Variants in PLCB1 observed in about 807,000 individuals in gnomAD.
PLCB1 encodes the protein phospholipase C beta 1.
In PLCB1, 46 loss-of-function variants were observed where a neutral mutation model predicts 161.8. The observed-to-expected ratio is 0.28, with a 90% CI of 0.22 to 0.36. The LOEUF (loss-of-function observed/expected upper bound fraction) is 0.36. PLCB1 is among the 10% of genes least tolerant of loss of function. The pLI, the probability that PLCB1 is intolerant of heterozygous loss-of-function variation, is 1.00. For synonymous variants in PLCB1, 517 were observed against 503.7 expected (o/e 1.03, Z -0.35); for missense variants, 1,016 against 1,472.5 (o/e 0.69, Z 5.07).
Position 8,760,455 on chromosome 20 carries a change from T to C in PLCB1, c.2705T>C (p.Leu902Ser), listed in dbSNP as rs769415808. ...AKTEDLIQSV[L>S]TEVEAQTIEE... ...ACAGAAGATCTTATTCAGAGTGTCT[T>C]AACAGGTAAATGCCACCCTTTCCCC... is the stretch of plus-strand genomic sequence containing the variant. The change falls in exon 25 of 32, where the codon TTA (leucine) becomes TCA (serine). Residue 902 changes from leucine (L) to serine (S), a missense_variant. Physicochemically the swap from Leu to Ser is moderately radical, Grantham distance 145. Around this residue, in one of 10 missense-constraint regions of PLCB1, gnomAD observed 398 missense variants for 445.4 expected, o/e 0.89. Transcript: ENST00000338037. 6.8e-6 allele frequency: 11 copies of C among 1,609,232 alleles called. 1 individual carries two copies. Among genetic ancestry groups the C allele is most frequent in the Non-Finnish European group, 1.7e-6 (2 of 1,175,876 alleles).
In PLCB1 at chr20:8,882,117, A is replaced by C; in HGVS notation, c.*268A>C. On this transcript the variant is annotated 3_prime_UTR_variant, in exon 32 of 32. Coordinates refer to ENST00000338037, the MANE Select transcript of PLCB1 (RefSeq NM_015192.4). ...TTCCAATAGCAAATTCAAAGCAAGC[A>C]ACTTGCAGGCTCCATGGAACTTTTA... is the stretch of plus-strand genomic sequence containing the variant. 1 of 379,324 alleles carries C rather than the reference A, an allele frequency of 2.6e-6. No homozygotes were observed. The highest frequency in any genetic ancestry group is 4.8e-6 in the Non-Finnish European group (1 of 210,010). 23.5% of individuals were successfully genotyped at this position (379,324 alleles called of 1,614,324 possible). A position where few individuals can be genotyped will look rare whatever the true frequency, so the allele number is the denominator to read the frequency against.
At chr20:8,272,845 A>G (rs975356350) in intron 2 of PLCB1, among the ~76,000 whole-genome samples, 1 of 152,182 alleles carries the variant, frequency 6.6e-6, no homozygotes, top group Non-Finnish European at 1.5e-5. Context: ...CCAACATTTC[A>G]TGCAATCAGT....
At chr20:8,717,195 C>T (rs1016986723) in intron 13 of PLCB1, among the ~76,000 whole-genome samples, 8 of 152,160 alleles carry the variant, frequency 5.3e-5, no homozygotes, top group African/African-American at 1.9e-4. Context: ...GCTAAACTAC[C>T]TAGTACCAGG....
At position 8,658,602 on chromosome 20, in the gene PLCB1, C is replaced by T. The variant is rs773850585; in HGVS notation, c.760C>T (p.Arg254Ter). Reference sequence around the variant, plus strand: ...GATGGATTTTATCAACCTTAAGCAGCGAGATCCTCGGCTTAATGAAATACT... The same window carrying T: ...GATGGATTTTATCAACCTTAAGCAGTGAGATCCTCGGCTTAATGAAATACT... ...QMMDFINLKQ[R>*]DPRLNEILYP... Residue 254 changes from arginine (R) to a stop codon, truncating the protein, a stop_gained, in exon 9 of 32, where the codon CGA becomes TGA. Transcript: ENST00000338037. LOFTEE classifies it high-confidence loss of function. The T allele has an allele frequency of 1.9e-6, 3 of 1,612,320 alleles. No homozygotes were observed. The South Asian group carries it at 3.3e-5, about 18-fold the overall frequency.
intron 13 of PLCB1, 71 bp from the exon 14 acceptor site, chr20:8,717,600 C>A (rs1285816893): frequency 1.1e-5 from 13 of 1,190,892 alleles, no homozygotes; most frequent in Non-Finnish European, 1.6e-5. Context: ...CACAGCTGAT[C>A]TGGGGGTCTG....
chr20:8,304,854 A>G (rs965489007), intron 2 of PLCB1, among the ~76,000 whole-genome samples: 1 of 152,150 alleles, frequency 6.6e-6, no homozygotes, highest in African/African-American at 2.4e-5. Flanking sequence ...CTTGCTCACC[A>G]GGATCTGAAT....
At position 8,456,058 on chromosome 20, in the gene PLCB1, A is replaced by AT. The variant is rs1490033006; in HGVS notation, c.246+84608_246+84609insT. ...CTTGCTTGGATGCTTGATACAGAGA[A>AT]AATCAAAGATTTGGTTTCAAATTAG... On this transcript the variant is annotated intron_variant, in intron 3 of 31. Transcript: ENST00000338037. Among the ~76,000 whole-genome samples, 15 of 152,338 alleles carry AT rather than the reference A, an allele frequency of 9.8e-5. No homozygotes were observed. In the East Asian group the frequency reaches 2.7e-3, roughly 27 times the overall value.
At position 8,500,272 on chromosome 20, in the gene PLCB1, T is replaced by A. The variant is rs570304504; in HGVS notation, c.247-128022T>A. 5.3e-5 allele frequency among the ~76,000 whole-genome samples: 8 copies of A among 152,338 alleles called. No individual in the cohort carries two copies. In the South Asian group the frequency reaches 1.7e-3, roughly 32 times the overall value. The stretch of plus-strand genomic sequence containing the variant: ...ATAAGAGATACCTTTAAATTATATT[T>A]TATACCATACGAATTGGTCTCTTTG... On this transcript the variant is annotated intron_variant, in intron 3 of 31. Coordinates refer to ENST00000338037, the MANE Select transcript of PLCB1 (RefSeq NM_015192.4).
chr20:8,225,919 T>C (rs1255047722), intron 2 of PLCB1, among the ~76,000 whole-genome samples: 1 of 152,250 alleles, frequency 6.6e-6, no homozygotes, highest in Admixed American at 6.5e-5. Context: ...GTTAAATATC[T>C]TGCAGTCTTT....
chr20:8,266,952 G>A (rs780412361), intron 2 of PLCB1, among the ~76,000 whole-genome samples: 3 of 151,624 alleles, frequency 2.0e-5, no homozygotes, highest in African/African-American at 4.9e-5. Context: ...GGCAAGAATC[G>A]CTTGAACCTG....
chr20:8,454,625 G>A (rs1177237787), intron 3 of PLCB1, among the ~76,000 whole-genome samples: 4 of 152,146 alleles, frequency 2.6e-5, no homozygotes, highest in Non-Finnish European at 5.9e-5. Flanking sequence ...GTGAGTGATG[G>A]TGTTTTTGTG....
At chr20:8,818,420 A>C (rs1028657333) in intron 31 of PLCB1, among the ~76,000 whole-genome samples, 4 of 152,216 alleles carry the variant, frequency 2.6e-5, no homozygotes, top group Admixed American at 6.5e-5. Context: ...AAAGATGCCC[A>C]CTATTATCCC....
intron 1 of PLCB1, among the ~76,000 whole-genome samples, chr20:8,149,495 C>A (rs559308250): frequency 6.6e-6 from 1 of 152,112 alleles, no homozygotes; most frequent in Non-Finnish European, 1.5e-5. Flanking sequence ...TGATATGACA[C>A]ACTATGGTTA....
intron 3 of PLCB1, among the ~76,000 whole-genome samples, chr20:8,602,177 T>C (rs563958403): frequency 6.6e-6 from 1 of 152,330 alleles, no homozygotes; most frequent in Non-Finnish European, 1.5e-5. Context: ...TAATGATGGA[T>C]ATTCTAAATA....
rs1171006103 is a variant in PLCB1, at chr20:8,739,393, A to T, written c.2308+33A>T. On this transcript the variant is annotated intron_variant, in intron 21 of 31. Transcript: ENST00000338037. Reference sequence around the variant, plus strand: ...TAGTGTGCTGAGAAACCTTTTATCAAAGTTGCAAAGAAAATCATTACTGCT... The same window carrying T: ...TAGTGTGCTGAGAAACCTTTTATCATAGTTGCAAAGAAAATCATTACTGCT... 2.3e-6 allele frequency: 3 copies of T among 1,302,916 alleles called. No homozygotes were observed. In the African/African-American group the frequency reaches 4.4e-5, roughly 19 times the overall value. 80.7% of individuals were successfully genotyped at this position (1,302,916 alleles called of 1,614,324 possible).
chr20:8,870,303 C>G (rs900989670), intron 31 of PLCB1, among the ~76,000 whole-genome samples: 1 of 152,160 alleles, frequency 6.6e-6, no homozygotes, highest in Non-Finnish European at 1.5e-5. Flanking sequence ...AGTATAATTG[C>G]TAAAGTCATT....
At chr20:8,780,911 G>A (rs909530853) in intron 27 of PLCB1, among the ~76,000 whole-genome samples, 2 of 152,176 alleles carry the variant, frequency 1.3e-5, no homozygotes, top group African/African-American at 4.8e-5. Context: ...CTAAAATATT[G>A]TTTTTAATGA....
Position 8,132,581 on chromosome 20 carries a change from C to T in PLCB1, c.-71C>T, listed in dbSNP as rs1450275529. ...AGAGAAAGGAGCCCGCGCCCCGCGC[C>T]CCGCGCCCCGCGCACGGTCCCCAGT... On this transcript the variant is annotated 5_prime_UTR_variant, in exon 1 of 32. Coordinates refer to ENST00000338037, the MANE Select transcript of PLCB1 (RefSeq NM_015192.4). This position sits in a 1 kb window ranked among gnomAD's most constrained non-coding sequence, Gnocchi z 5.2. 1 of 1,002,938 alleles carries T rather than the reference C, an allele frequency of 1.0e-6. No homozygotes were observed. Among genetic ancestry groups the T allele is most frequent in the Non-Finnish European group, 1.4e-6 (1 of 724,830 alleles). 62.1% of individuals were successfully genotyped at this position (1,002,938 alleles called of 1,614,324 possible).
intron 2 of PLCB1, among the ~76,000 whole-genome samples, chr20:8,196,025 G>A (rs55758192): frequency 0.025 from 3,871 of 152,158 alleles, 183 homozygotes; most frequent in African/African-American, 0.088. Flanking sequence ...AGAGCAGAGT[G>A]AAGTGGGGAA....
Sources: allele counts gnomAD v4.1 joint callset (sites outside exome capture counted in the v4.1 genomes callset), GRCh38; gene constraint gnomAD v4.1.1; regional missense constraint gnomAD v4.1.1; non-coding constraint Gnocchi (gnomAD v3.1); transcripts MANE v1.5; gene names NCBI Gene and HGNC (gene_info 2026-07-23, HGNC 2026-07-21).